MROH1: variants seen among roughly 807,000 people sequenced by gnomAD.
The protein encoded by MROH1 is maestro heat like repeat family member 1, also known as maestro heat-like repeat-containing protein family member 1.
Under a neutral mutation model 116.5 loss-of-function variants are expected in MROH1, and 117 were observed. The observed-to-expected ratio is 1.00, with a 90% confidence interval of 0.86 to 1.17. The LOEUF is 1.17. Ranked by LOEUF, MROH1 falls within the 50% of genes most tolerant of loss-of-function variation. The pLI, the probability that MROH1 is intolerant of heterozygous loss-of-function variation, is 0.00. For synonymous variants in MROH1, 921 were observed against 583.9 expected (o/e 1.58, Z -8.32); for missense variants, 1,873 against 1,338.5 (o/e 1.40, Z -6.23).
At chr8:144,157,677 C>CTTTTTTTTTT (rs1164415639) in intron 1 of MROH1, among the ~76,000 whole-genome samples, 4 of 117,942 alleles carry the variant, frequency 3.4e-5, no homozygotes, top group South Asian at 2.7e-4. Context: ...TTCTTTCTTT[C>CTTTTTTTTTT]TTTTTTTTTT....
chr8:144,189,844 C>G (rs1027542506), intron 7 of MROH1, among the ~76,000 whole-genome samples: 2 of 152,242 alleles, frequency 1.3e-5, no homozygotes, highest in Non-Finnish European at 2.9e-5. Context: ...CTGTGGCAGA[C>G]TGGAGTGGGC....
chr8:144,220,802 C>T, intron 13 of MROH1, 129 bp downstream of exon 13: 2 of 728,648 alleles, frequency 2.7e-6, no homozygotes, highest in Middle Eastern at 3.3e-4. Flanking sequence ...AGCTTGGGAA[C>T]AAAGGATGAC....
At chr8:144,240,227 C>T in intron 19 of MROH1, 74 bp downstream of exon 19, 1 of 679,668 alleles carries the variant, frequency 1.5e-6, no homozygotes, top group South Asian at 1.7e-5. Context: ...GTGGCAGAGG[C>T]TGGGCCACCT....
rs1192297643 is a variant in MROH1 at position 144,220,660 on chromosome 8, A to G, written c.1202A>G (p.Asp401Gly). Residue 401 changes from aspartate (D) to glycine (G), a missense_variant, in exon 13 of 44, where the codon GAC (aspartate) becomes GGC (glycine). Physicochemically the swap from Asp to Gly is moderately conservative, Grantham distance 94. Coordinates refer to ENST00000326134, the MANE Select transcript of MROH1 (RefSeq NM_032450.3). Reference sequence around the variant, plus strand: ...TCTTCCATGAGGCTTCCTCTCCTGGACACCAACAGCAAGGTAAACCACATG... The same window carrying G: ...TCTTCCATGAGGCTTCCTCTCCTGGGCACCAACAGCAAGGTAAACCACATG... Reference protein sequence around the residue: ...ILSSMRLPLLDTNSKVKRAVV... With the variant: ...ILSSMRLPLLGTNSKVKRAVV... 2 of 1,575,000 alleles carry G rather than the reference A, an allele frequency of 1.3e-6. No homozygotes were observed. Among genetic ancestry groups the G allele is most frequent in the Admixed American group, 3.7e-5 (2 of 53,956 alleles).
At chr8:144,225,009 T>G (rs1465916799) in intron 14 of MROH1, among the ~76,000 whole-genome samples, 2 of 152,208 alleles carry the variant, frequency 1.3e-5, no homozygotes, top group Non-Finnish European at 2.9e-5. Flanking sequence ...ACACCTAACT[T>G]TCTTTTTTTT....
At chr8:144,206,166 C>T (rs1201503435) in intron 12 of MROH1, among the ~76,000 whole-genome samples, 2 of 152,248 alleles carry the variant, frequency 1.3e-5, no homozygotes, top group South Asian at 2.1e-4. Context: ...CTTCCTGCCT[C>T]GGCCTCCTGA....
intron 2 of MROH1, among the ~76,000 whole-genome samples, chr8:144,161,779 C>T (rs989700012): frequency 1.3e-5 from 2 of 152,230 alleles, no homozygotes; most frequent in South Asian, 4.1e-4. Flanking sequence ...CGGTCGTGGA[C>T]TGGCGTTGGT....
Position 144,180,351 on chromosome 8 carries a change from C to T in MROH1, c.463+11C>T, listed in dbSNP as rs377189742. The T allele has an allele frequency of 3.7e-5, 60 of 1,606,172 alleles. No homozygotes were observed. The highest frequency in any genetic ancestry group is 1.6e-4 in the Middle Eastern group (1 of 6,074). On this transcript the variant is annotated intron_variant, in intron 6 of 43. Coordinates refer to ENST00000326134, the MANE Select transcript of MROH1 (RefSeq NM_032450.3). This position sits in a 1 kb window ranked among gnomAD's most constrained non-coding sequence, Gnocchi z 7.4. The stretch of plus-strand genomic sequence containing the variant: ...TCTCGGTGGCCAACGGTAGGTGACG[C>T]GCGGCCTGCCCCAGGAGGAGCACGG...
intron 12 of MROH1, among the ~76,000 whole-genome samples, chr8:144,219,750 G>A (rs912394576): frequency 9.2e-5 from 14 of 152,192 alleles, no homozygotes; most frequent in African/African-American, 3.1e-4. Context: ...GGGGAACATT[G>A]GCATAGAGAG....
intron 4 of MROH1, among the ~76,000 whole-genome samples, chr8:144,178,866 T>C (rs1824798551): frequency 6.6e-6 from 1 of 152,074 alleles, no homozygotes; most frequent in African/African-American, 2.4e-5. Context: ...TGTGTGCTCT[T>C]TGGATTTACA....
intron 40 of MROH1, 23 bp from the exon 41 acceptor site, chr8:144,260,884 G>T: frequency 1.3e-6 from 1 of 777,596 alleles, no homozygotes; most frequent in Non-Finnish European, 2.4e-6. Context: ...AACTGGACTT[G>T]GCCCCAGTGC....
chr8:144,225,677 G>A (rs892100434), intron 14 of MROH1, among the ~76,000 whole-genome samples: 24 of 152,046 alleles, frequency 1.6e-4, no homozygotes, highest in African/African-American at 4.8e-4. Context: ...TCAGTCTCCT[G>A]AGTAGCTGGG....
At chr8:144,169,957 C>T (rs1822029850) in intron 4 of MROH1, among the ~76,000 whole-genome samples, 1 of 152,226 alleles carries the variant, frequency 6.6e-6, no homozygotes, top group South Asian at 2.1e-4. Context: ...CCTCAGCCTC[C>T]CAAGTAGCTG....
intron 1 of MROH1, among the ~76,000 whole-genome samples, chr8:144,153,299 C>A (rs1027358047): frequency 2.0e-5 from 3 of 151,982 alleles, no homozygotes; most frequent in Non-Finnish European, 4.4e-5. Context: ...TGGGTTCAAG[C>A]AATTCACTTG....
Position 144,240,591 on chromosome 8 carries a change from A to G in MROH1, c.1849A>G (p.Ile617Val). Residue 617 changes from isoleucine (I) to valine (V), a missense_variant, in exon 20 of 44, where the codon ATC becomes GTC. Physicochemically the swap from Ile to Val is conservative, Grantham distance 29 (BLOSUM62 3). Transcript: ENST00000326134. ...GCAGTTCCTGCGAGACACCCTGGCC[A>G]TCATTTCTGACAACGCGTGGATCTG... ...LLMFLRDTLAIISDNAWICQL... is the reference protein window; with the variant it reads ...LLMFLRDTLAVISDNAWICQL... 2.8e-6 allele frequency: 2 copies of G among 717,366 alleles called. No individual in the cohort carries two copies. The highest frequency in any genetic ancestry group is 2.7e-5 in the East Asian group (1 of 37,294). The allele number at this position is 717,366 out of a possible 1,614,324, so 44.4% of individuals were successfully genotyped here.
In MROH1 at chr8:144,258,895, G is replaced by A; in HGVS notation, c.3910G>A (p.Gly1304Arg). The change falls in exon 36 of 44, where the codon GGG (glycine) becomes AGG (arginine). Residue 1304 changes from glycine to arginine, a missense_variant. Transcript: ENST00000326134. ...CAGGACCTCGGCGGGGCATGAGGAG[G>A]GGGCCACCAGGTTGGCCAGGTGAGC... Reference protein sequence around the residue: ...LLRTSAGHEEGATRLARAMAE... With the variant: ...LLRTSAGHEERATRLARAMAE... 1 of 758,304 alleles carries A rather than the reference G, an allele frequency of 1.3e-6. No homozygotes were observed. The allele number at this position is 758,304 out of a possible 1,614,324, so 47.0% of individuals were successfully genotyped here.
At chr8:144,151,692 A>G (rs903055302) in intron 1 of MROH1, among the ~76,000 whole-genome samples, 2 of 152,234 alleles carry the variant, frequency 1.3e-5, no homozygotes, top group African/African-American at 4.8e-5. Context: ...CAAGCTGCCT[A>G]TAGACGGCAA....
intron 35 of MROH1, among the ~76,000 whole-genome samples, chr8:144,256,229 T>C (rs1477037445): frequency 6.6e-6 from 1 of 151,742 alleles, no homozygotes; most frequent in African/African-American, 2.4e-5. Context: ...GCTGACACCC[T>C]GGGCAGGCGT....
rs1808161598 is a variant in MROH1 at position 144,223,032 on chromosome 8, G to A, written c.1216-76G>A. 9 of 1,586,952 alleles carry A rather than the reference G, an allele frequency of 5.7e-6. No homozygotes were observed. In the African/African-American group the frequency reaches 6.7e-5, roughly 12 times the overall value. On this transcript the variant is annotated intron_variant, in intron 13 of 43. Transcript: ENST00000326134. The stretch of plus-strand genomic sequence containing the variant: ...TGGATGTGGGTGGGAGGAAGACTGA[G>A]GTTCCTCTCTGCTGGCTGGACTGGC...
Sources: gnomAD v4.1 joint callset for allele counts (sites outside exome capture counted in the v4.1 genomes callset) on GRCh38, gnomAD v4.1.1 for gene constraint, Gnocchi (gnomAD v3.1) non-coding constraint, MANE v1.5 for transcripts, NCBI Gene and HGNC (gene_info 2026-07-23, HGNC 2026-07-21) for gene names.